The following DNAH12 variants were observed in gnomAD, a reference collection of about 807,000 sequenced individuals.
The protein encoded by DNAH12 is axonemal beta dynein heavy chain 12.
A neutral mutation model predicts 371.5 loss-of-function variants in DNAH12; 285 were observed. The observed-to-expected ratio is 0.77, with a 90% confidence interval of 0.70 to 0.85. The LOEUF (loss-of-function observed/expected upper bound fraction) is 0.85, where lower values mean the gene tolerates loss of function less well. DNAH12 is among the 40% of genes least tolerant of loss of function. DNAH12 has a pLI of 0.00. For synonymous variants in DNAH12, 1,200 were observed against 1,213.0 expected (o/e 0.99, Z 0.22); for missense variants, 3,611 against 3,689.4 (o/e 0.98, Z 0.55).
In DNAH12 at chr3:57,385,389, T is replaced by C. The variant is rs949121368; in HGVS notation, c.7643A>G (p.Lys2548Arg). Reference sequence around the variant, plus strand: ...ATTTTCAATTTTAGCTTCCTCCAATTTGGGCTGTAATTCAACAAGCTCCAT... The same window carrying C: ...ATTTTCAATTTTAGCTTCCTCCAATCTGGGCTGTAATTCAACAAGCTCCAT... ...MQMELVELQP[K>R]LEEAKIENAN... Residue 2548 changes from lysine (K) to arginine (R), a missense_variant, in exon 48 of 74, where the codon AAA becomes AGA. Physicochemically the swap from Lys to Arg is conservative, Grantham distance 26. Coordinates refer to ENST00000495027, the MANE Select transcript of DNAH12 (RefSeq NM_001366028.2). 3 of 152,210 alleles carry C rather than the reference T, an allele frequency of 2.0e-5. No homozygotes were observed. Among genetic ancestry groups the C allele is most frequent in the Non-Finnish European group, 4.4e-5 (3 of 68,028 alleles). 9.4% of individuals were successfully genotyped at this position (152,210 alleles called of 1,614,324 possible). A position where few individuals can be genotyped will look rare whatever the true frequency, so the allele number is the denominator to read the frequency against.
intron 60 of DNAH12, among the ~76,000 whole-genome samples, chr3:57,344,999 T>C (rs2062503697): frequency 1.3e-5 from 2 of 150,930 alleles, no homozygotes; most frequent in Admixed American, 1.3e-4. Context: ...CTACTAGTAG[T>C]CTATTGTTGA....
At chr3:57,508,200 CA>C (rs11288020) in intron 7 of DNAH12, among the ~76,000 whole-genome samples, 181 bp downstream of exon 7, 61,557 of 129,074 alleles carry the variant, frequency 0.48, 12,691 homozygotes, top group South Asian at 0.57. Context: ...AAAAAAAAAA[CA>C]AAAAAAAAAA....
chr3:57,462,562 C>T, intron 18 of DNAH12, 128 bp downstream of exon 18: 4 of 1,103,790 alleles, frequency 3.6e-6, no homozygotes, highest in Non-Finnish European at 5.0e-6. Context: ...GGAGAGTGGT[C>T]TTCTATCACT....
chr3:57,465,049 A>T (rs1319911181), intron 17 of DNAH12, among the ~76,000 whole-genome samples: 1 of 152,196 alleles, frequency 6.6e-6, no homozygotes, highest in Non-Finnish European at 1.5e-5. Context: ...GCTGAGTGGA[A>T]GATCTAAACT....
intron 11 of DNAH12, among the ~76,000 whole-genome samples, chr3:57,490,671 C>T (rs903113255): frequency 2.0e-5 from 3 of 151,844 alleles, no homozygotes; most frequent in African/African-American, 7.3e-5. Flanking sequence ...TCAATGCTGT[C>T]CTATTTTTCT....
chr3:57,438,917 A>C (rs2083284936), intron 29 of DNAH12, among the ~76,000 whole-genome samples: 1 of 130,548 alleles, frequency 7.7e-6, no homozygotes, highest in African/African-American at 3.0e-5. Flanking sequence ...TCTGTCTCAG[A>C]CAAAAAAAAA....
At chr3:57,413,680 A>C in intron 39 of DNAH12, 66 bp downstream of exon 39, 1 of 1,458,446 alleles carries the variant, frequency 6.9e-7, no homozygotes, top group Non-Finnish European at 9.2e-7. Context: ...GTATTATTTT[A>C]CTTTAAAAAC....
At chr3:57,380,122 C>T (rs2063358493) in intron 51 of DNAH12, among the ~76,000 whole-genome samples, 156 bp downstream of exon 51, 1 of 151,984 alleles carries the variant, frequency 6.6e-6, no homozygotes, top group Non-Finnish European at 1.5e-5. Flanking sequence ...ATTATGAAAA[C>T]TCATAGTATC....
intron 13 of DNAH12, among the ~76,000 whole-genome samples, chr3:57,473,166 T>C (rs1197125599): frequency 6.6e-6 from 1 of 152,122 alleles, no homozygotes; most frequent in African/African-American, 2.4e-5. Flanking sequence ...TCTAGAATAT[T>C]GCGGTATGTA....
chr3:57,442,969 C>T lies in DNAH12; in HGVS notation c.4545+1728G>A, dbSNP rs118057437. The stretch of plus-strand genomic sequence containing the variant: ...CACTTGGCAAAAGGTGGTTTATGAA[C>T]GCTGAACTCAAGAGAATCTTCACTG... On this transcript the variant is annotated intron_variant, in intron 29 of 73. Coordinates refer to ENST00000495027, the MANE Select transcript of DNAH12 (RefSeq NM_001366028.2). Among the ~76,000 whole-genome samples, 55 of 152,254 alleles carry T rather than the reference C, an allele frequency of 3.6e-4. No individual in the cohort carries two copies. The East Asian group carries it at 9.6e-3, about 27-fold the overall frequency.
chr3:57,531,806 T>C (rs999660182), intron 2 of DNAH12, among the ~76,000 whole-genome samples: 2 of 150,852 alleles, frequency 1.3e-5, no homozygotes, highest in Non-Finnish European at 3.0e-5. Context: ...TGAGGTCATC[T>C]TCTTTGGGTT....
chr3:57,444,958 C>T (rs1425221748), intron 28 of DNAH12, 142 bp from the exon 29 acceptor site: 2 of 1,042,924 alleles, frequency 1.9e-6, no homozygotes, highest in South Asian at 3.5e-5. Flanking sequence ...TCTCTGGAAT[C>T]CCTATAATAA....
chr3:57,390,410 A>AG lies in DNAH12; in HGVS notation c.7305+1461_7305+1462insC, dbSNP rs2063591373. On this transcript the variant is annotated intron_variant, in intron 45 of 73. Coordinates refer to ENST00000495027, the MANE Select transcript of DNAH12 (RefSeq NM_001366028.2). ...CCTGGGCGACAGAGATCCTGTCTCA[A>AG]AAAAAAAAAAAAAAATATATATATA... 2.1e-3 allele frequency among the ~76,000 whole-genome samples: 58 copies of AG among 27,590 alleles called. 1 individual carries two copies. Among genetic ancestry groups the AG allele is most frequent in the Middle Eastern group, 0.036 (1 of 28 alleles). 18.1% of individuals were successfully genotyped at this position (27,590 alleles called of 152,430 possible).
At chr3:57,535,941 A>G (rs1199719224) in intron 2 of DNAH12, among the ~76,000 whole-genome samples, 2 of 151,076 alleles carry the variant, frequency 1.3e-5, no homozygotes, top group African/African-American at 4.9e-5. Flanking sequence ...GGTTCAAGTG[A>G]TTCTCCTGCC....
At position 57,323,067 on chromosome 3, in the gene DNAH12, A is replaced by T; in HGVS notation, c.10323T>A (p.Phe3441Leu). ...MPMLEKICEDFTSETCNSSFR... is the reference protein window; with the variant it reads ...MPMLEKICEDLTSETCNSSFR... Reference sequence around the variant, plus strand: ...AGGATGAGTTACAGGTTTCAGAGGTAAAATCTTCACATATTTTTTCCAACA... The same window carrying T: ...AGGATGAGTTACAGGTTTCAGAGGTTAAATCTTCACATATTTTTTCCAACA... Residue 3441 changes from phenylalanine (F) to leucine (L), a missense_variant, in exon 64 of 74, where the codon TTT (phenylalanine) becomes TTA (leucine). Physicochemically the swap from Phe to Leu is conservative, Grantham distance 22 (BLOSUM62 0). Around this residue, in one of 3 missense-constraint regions of DNAH12, gnomAD observed 2,266 missense variants for 2,236.9 expected, o/e 1.01. Transcript: ENST00000495027. The T allele has an allele frequency of 6.4e-7, 1 of 1,552,422 alleles. No homozygotes were observed. Among genetic ancestry groups the T allele is most frequent in the Non-Finnish European group, 8.7e-7 (1 of 1,147,148 alleles).
chr3:57,297,046 G>A (rs1311859837), intron 70 of DNAH12, 62 bp from the exon 71 acceptor site: 7 of 1,522,056 alleles, frequency 4.6e-6, no homozygotes, highest in Admixed American at 4.1e-5. Flanking sequence ...GCCACCTGAT[G>A]TACAATTCCT....
In DNAH12 at chr3:57,435,376, A is replaced by C. The variant is rs866239505; in HGVS notation, c.4656-1548T>G. On this transcript the variant is annotated intron_variant, in intron 30 of 73. Transcript: ENST00000495027. The stretch of plus-strand genomic sequence containing the variant: ...GATAGACCAAGACTCTGTCTCCCAA[A>C]AAAAAAAAAAAAAAAAGAATATAAT... Among the ~76,000 whole-genome samples the C allele has an allele frequency of 9.4e-3, 1,355 of 144,026 alleles. 25 individuals carry two copies. The highest frequency in any genetic ancestry group is 0.034 in the African/African-American group (1,232 of 36,368). The allele number at this position is 144,026 out of a possible 152,430, so 94.5% of individuals were successfully genotyped here.
At chr3:57,327,117 T>A (rs928424402) in intron 62 of DNAH12, among the ~76,000 whole-genome samples, 2 of 151,814 alleles carry the variant, frequency 1.3e-5, no homozygotes, top group African/African-American at 4.8e-5. Context: ...AATGGGAGAC[T>A]TTAACACCCC....
At chr3:57,523,686 A>G in intron 3 of DNAH12, 77 bp from the exon 4 acceptor site, 1 of 1,293,272 alleles carries the variant, frequency 7.7e-7, no homozygotes, top group Non-Finnish European at 1.0e-6. Context: ...AAAATTAAAT[A>G]TATAGTTTAA....
Sources: gnomAD v4.1 joint callset for allele counts (sites outside exome capture counted in the v4.1 genomes callset) on GRCh38, gnomAD v4.1.1 for gene constraint, gnomAD v4.1.1 regional missense constraint, MANE v1.5 for transcripts, NCBI Gene and HGNC (gene_info 2026-07-23, HGNC 2026-07-21) for gene names.